CSMD1: variants seen among roughly 807,000 people sequenced by gnomAD.
The protein encoded by CSMD1 is CUB and sushi domain-containing protein 1.
In CSMD1, 213 loss-of-function variants were observed where a neutral mutation model predicts 417.5. The ratio of observed to expected loss-of-function variants is 0.51; its 90% CI spans 0.46 to 0.57. The LOEUF (loss-of-function observed/expected upper bound fraction) is 0.57. Ranked by LOEUF, CSMD1 falls within the 20% of genes least tolerant of loss-of-function variation. The pLI is 0.00. For synonymous variants in CSMD1, 2,862 were observed against 1,736.8 expected, an observed-to-expected ratio of 1.65 and a Z score of -16.11; for missense variants, 6,923 against 4,529.7, an observed-to-expected ratio of 1.53 and a Z score of -15.17.
chr8:4,037,434 G>C (rs1024402705), intron 3 of CSMD1, among the ~76,000 whole-genome samples: 73 of 152,228 alleles, frequency 4.8e-4, no homozygotes, highest in Middle Eastern at 3.4e-3. Context: ...GTCTATTTCT[G>C]GGGCATCTTA....
At position 3,147,937 on chromosome 8, in the gene CSMD1, C is replaced by T. The variant is rs539934594; in HGVS notation, c.6031+3460G>A. 2.6e-5 allele frequency among the ~76,000 whole-genome samples: 4 copies of T among 152,274 alleles called. No homozygotes were observed. The South Asian group carries it at 8.3e-4, about 32-fold the overall frequency. ...TGCCTTTTCTCAGCATTAAGGAAGA[C>T]AAATCTTCTGGCTATTCTTTTGCAA... On this transcript the variant is annotated intron_variant, in intron 40 of 69. Coordinates refer to ENST00000635120, the MANE Select transcript of CSMD1 (RefSeq NM_033225.6).
intron 1 of CSMD1, among the ~76,000 whole-genome samples, chr8:4,840,456 T>C (rs1342977770): frequency 6.6e-6 from 1 of 152,196 alleles, no homozygotes; most frequent in East Asian, 1.9e-4. Flanking sequence ...TCTGAAAACA[T>C]ACGATATAAC....
At chr8:4,372,865 T>A (rs1802480068) in intron 3 of CSMD1, among the ~76,000 whole-genome samples, 1 of 152,094 alleles carries the variant, frequency 6.6e-6, no homozygotes, top group Admixed American at 6.6e-5. Context: ...ACAAAATTAT[T>A]TACATGGAAA....
intron 63 of CSMD1, among the ~76,000 whole-genome samples, chr8:2,956,989 A>C (rs867600477): frequency 8.0e-5 from 12 of 150,168 alleles, no homozygotes; most frequent in Admixed American, 2.0e-4. Context: ...ATCACACCTT[A>C]TATACTGAGA....
intron 51 of CSMD1, among the ~76,000 whole-genome samples, chr8:3,021,786 CATCCAT>C (rs1238200308): frequency 7.0e-5 from 10 of 142,246 alleles, no homozygotes; most frequent in East Asian, 4.3e-4. Context: ...TGCAATCCCA[CATCCAT>C]AGCATCTGGA....
chr8:4,089,799 C>A (rs953322442), intron 3 of CSMD1, among the ~76,000 whole-genome samples: 8 of 151,900 alleles, frequency 5.3e-5, no homozygotes, highest in Non-Finnish European at 7.4e-5. Flanking sequence ...CTCAGTCTAC[C>A]GAGTGTGTTT....
intron 1 of CSMD1, among the ~76,000 whole-genome samples, chr8:4,905,681 G>A (rs567685400): frequency 2.0e-4 from 30 of 151,864 alleles, no homozygotes; most frequent in South Asian, 4.2e-4. Flanking sequence ...TTAGCCGGGC[G>A]TGGTGGCGGG....
At chr8:4,760,992 C>A (rs1335489718) in intron 1 of CSMD1, among the ~76,000 whole-genome samples, 1 of 151,904 alleles carries the variant, frequency 6.6e-6, no homozygotes. Flanking sequence ...CACTCACCTC[C>A]CTTTATCATT....
intron 26 of CSMD1, among the ~76,000 whole-genome samples, chr8:3,253,572 C>G (rs1359933435): frequency 6.6e-6 from 1 of 152,114 alleles, no homozygotes; most frequent in African/African-American, 2.4e-5. Flanking sequence ...GAGTTCAATT[C>G]CTGGATATCC....
At chr8:3,872,960 C>T (rs1351521650) in intron 5 of CSMD1, among the ~76,000 whole-genome samples, 2 of 151,952 alleles carry the variant, frequency 1.3e-5, no homozygotes. Context: ...AAAAGCTCAA[C>T]ATCACTGATC....
chr8:3,502,238 G>A (rs888683468), intron 10 of CSMD1, among the ~76,000 whole-genome samples: 12 of 151,654 alleles, frequency 7.9e-5, no homozygotes, highest in East Asian at 1.9e-4. Context: ...GGTGGTGGGC[G>A]CCTGTAGTCC....
At chr8:3,132,184 T>C (rs1027150600) in intron 41 of CSMD1, among the ~76,000 whole-genome samples, 7 of 152,214 alleles carry the variant, frequency 4.6e-5, no homozygotes, top group African/African-American at 1.4e-4. Flanking sequence ...TCAGCAGATA[T>C]CTCAGTCACA....
intron 5 of CSMD1, among the ~76,000 whole-genome samples, chr8:3,952,663 G>C (rs919450723): frequency 5.3e-5 from 8 of 152,150 alleles, no homozygotes; most frequent in African/African-American, 1.9e-4. Flanking sequence ...TACAGATTCT[G>C]AAATCAAAGA....
At chr8:4,517,606 A>G (rs529732459) in intron 2 of CSMD1, among the ~76,000 whole-genome samples, 11 of 152,348 alleles carry the variant, frequency 7.2e-5, no homozygotes, top group Admixed American at 5.2e-4. Flanking sequence ...TAATGTATTT[A>G]ACATGCACGA....
chr8:4,040,931 T>C (rs555694929), intron 3 of CSMD1, among the ~76,000 whole-genome samples: 31 of 152,154 alleles, frequency 2.0e-4, no homozygotes, highest in African/African-American at 7.5e-4. Context: ...GTGTGAATTA[T>C]TAAATAATCT....
intron 2 of CSMD1, among the ~76,000 whole-genome samples, chr8:4,630,138 T>C (rs1433389517): frequency 6.6e-6 from 1 of 152,196 alleles, no homozygotes; most frequent in African/African-American, 2.4e-5. Flanking sequence ...TTCACATGCC[T>C]GTCAAAACTT....
At chr8:4,934,338 T>A (rs1807456448) in intron 1 of CSMD1, among the ~76,000 whole-genome samples, 1 of 152,220 alleles carries the variant, frequency 6.6e-6, no homozygotes, top group Non-Finnish European at 1.5e-5. Flanking sequence ...GCCCTATGTA[T>A]TAAATTCAAA....
intron 1 of CSMD1, among the ~76,000 whole-genome samples, chr8:4,642,990 G>T (rs1585380307): frequency 1.3e-5 from 2 of 152,178 alleles, no homozygotes; most frequent in African/African-American, 4.8e-5. Context: ...GGACTGCAGA[G>T]GAACAGTCTG....
chr8:4,741,158 G>C (rs1049775461), intron 1 of CSMD1, among the ~76,000 whole-genome samples: 1 of 151,982 alleles, frequency 6.6e-6, no homozygotes, highest in Admixed American at 6.6e-5. Flanking sequence ...TCTTTTTCAA[G>C]CACACTAGAC....
Sources: gnomAD v4.1 joint callset for allele counts (sites outside exome capture counted in the v4.1 genomes callset) on GRCh38, gnomAD v4.1.1 for gene constraint, MANE v1.5 for transcripts, NCBI Gene and HGNC (gene_info 2026-07-23, HGNC 2026-07-21) for gene names.